Variants in KLF12 observed in about 807,000 individuals in gnomAD.
KLF12 encodes the protein KLF transcription factor 12, also known as Krueppel-like factor 12.
KLF12 carries 9 observed loss-of-function variants against 37.8 expected under a neutral mutation model. That is an observed-to-expected ratio of 0.24 (90% confidence interval 0.14 to 0.42). The LOEUF is 0.42. KLF12 is among the 10% of genes least tolerant of loss of function. The pLI is 1.00. For synonymous variants in KLF12, 208 were observed against 202.1 expected, an observed-to-expected ratio of 1.03 and a Z score of -0.25; for missense variants, 411 against 516.0, an observed-to-expected ratio of 0.80 and a Z score of 1.97.
chr13:74,149,633 G>A, the KLF12 span, among the ~76,000 whole-genome samples: 1 of 152,056 alleles, frequency 6.6e-6, no homozygotes, highest in Non-Finnish European at 1.5e-5. Context: ...CTCTTCTCAG[G>A]GTACTATCCA....
At chr13:73,849,233 C>A (rs1282091614) in intron 3 of KLF12, among the ~76,000 whole-genome samples, 1 of 151,648 alleles carries the variant, frequency 6.6e-6, no homozygotes, top group African/African-American at 2.4e-5. Flanking sequence ...AAATCAAAAG[C>A]ATTGGTTTTG....
chr13:73,711,464 C>G (rs1263385975), intron 7 of KLF12, among the ~76,000 whole-genome samples: 1 of 152,186 alleles, frequency 6.6e-6, no homozygotes, highest in Non-Finnish European at 1.5e-5. Flanking sequence ...AGCCAAGGCT[C>G]ATATACTATT....
chr13:73,919,768 T>A (rs1453081711), intron 3 of KLF12, among the ~76,000 whole-genome samples: 1 of 152,216 alleles, frequency 6.6e-6, no homozygotes, highest in Non-Finnish European at 1.5e-5. Context: ...CATAACTTCA[T>A]AAGGATTTGC....
the KLF12 span, among the ~76,000 whole-genome samples, chr13:74,190,938 A>G: frequency 6.6e-6 from 1 of 151,936 alleles, no homozygotes; most frequent in Non-Finnish European, 1.5e-5. Context: ...TTTTCCACTT[A>G]TGTTTGGATT....
chr13:73,763,248 C>T (rs1879685828), intron 6 of KLF12, among the ~76,000 whole-genome samples: 1 of 152,100 alleles, frequency 6.6e-6, no homozygotes, highest in African/African-American at 2.4e-5. Context: ...GAGCTTTACC[C>T]ACATTGTATA....
At chr13:74,111,017 G>C (rs1181915175) in intron 1 of KLF12, among the ~76,000 whole-genome samples, 1 of 152,016 alleles carries the variant, frequency 6.6e-6, no homozygotes, top group South Asian at 2.1e-4. Context: ...GCCAGGCATG[G>C]TGGTGGGCGC....
chr13:73,705,954 C>G (rs867422939), intron 7 of KLF12, among the ~76,000 whole-genome samples: 4 of 152,112 alleles, frequency 2.6e-5, no homozygotes, highest in Non-Finnish European at 4.4e-5. Context: ...GAGATCGAGA[C>G]CATCCTGTCC....
chr13:73,939,474 C>A (rs1194404528), intron 3 of KLF12, among the ~76,000 whole-genome samples: 1 of 152,030 alleles, frequency 6.6e-6, no homozygotes, highest in Non-Finnish European at 1.5e-5. Context: ...TTGAAACATT[C>A]TTCCAGATAT....
chr13:74,005,216 A>G (rs1892380866), intron 1 of KLF12, among the ~76,000 whole-genome samples: 2 of 152,302 alleles, frequency 1.3e-5, no homozygotes, highest in South Asian at 4.1e-4. Flanking sequence ...TAACCAAATA[A>G]TAAAGAGCCT....
the KLF12 span, among the ~76,000 whole-genome samples, chr13:74,175,667 T>C: frequency 6.6e-6 from 1 of 152,206 alleles, no homozygotes; most frequent in African/African-American, 2.4e-5. Context: ...ACTATGTAAT[T>C]GTAATTCCAA....
intron 2 of KLF12, among the ~76,000 whole-genome samples, chr13:73,978,432 C>A (rs1230963128): frequency 6.6e-6 from 1 of 152,088 alleles, no homozygotes; most frequent in East Asian, 1.9e-4. Context: ...TCAGAATAAC[C>A]AAAATCCAGA....
intron 6 of KLF12, among the ~76,000 whole-genome samples, chr13:73,737,400 T>C (rs867022606): frequency 6.6e-6 from 1 of 152,302 alleles, no homozygotes; most frequent in African/African-American, 2.4e-5. Context: ...GTGTCAACAA[T>C]GGGAAAGTGT....
intron 2 of KLF12, among the ~76,000 whole-genome samples, chr13:73,951,723 A>G (rs1283988405): frequency 6.6e-6 from 1 of 152,056 alleles, no homozygotes; most frequent in African/African-American, 2.4e-5. Flanking sequence ...CACTTCCCCA[A>G]CCCCATTGTC....
the KLF12 span, among the ~76,000 whole-genome samples, chr13:74,288,675 G>A: frequency 6.6e-6 from 1 of 152,152 alleles, no homozygotes; most frequent in Admixed American, 6.6e-5. Flanking sequence ...TAGACTGGTG[G>A]GTTTCAGCGG....
chr13:73,819,564 A>T (rs570391361), intron 4 of KLF12, among the ~76,000 whole-genome samples: 39 of 143,198 alleles, frequency 2.7e-4, no homozygotes, highest in Middle Eastern at 7.0e-3. Context: ...GGTAGCAAGC[A>T]GTCTTCTGGC....
At chr13:73,929,791 T>C (rs1889582525) in intron 3 of KLF12, among the ~76,000 whole-genome samples, 1 of 152,222 alleles carries the variant, frequency 6.6e-6, no homozygotes, top group Admixed American at 6.5e-5. Context: ...CTGTTCTGTG[T>C]GCAGGCAGCC....
In KLF12 at chr13:73,694,489, T is replaced by G. The variant is rs1305048700; in HGVS notation, c.*1001A>C. 6.6e-6 allele frequency: 1 copy of G among 152,658 alleles called. No individual in the cohort carries two copies. Among genetic ancestry groups the G allele is most frequent in the Non-Finnish European group, 1.5e-5 (1 of 68,036 alleles). 9.5% of individuals were successfully genotyped at this position (152,658 alleles called of 1,614,324 possible). On this transcript the variant is annotated 3_prime_UTR_variant, in exon 8 of 8. Coordinates refer to ENST00000377669, the MANE Select transcript of KLF12 (RefSeq NM_007249.5). ...AAAGTCCTTTTATTCATTATTGCTT[T>G]TCTCCTCAAGAGGCGCATTATTTCC...
At chr13:74,167,803 C>T in the KLF12 span, among the ~76,000 whole-genome samples, 4 of 152,260 alleles carry the variant, frequency 2.6e-5, 1 homozygote, top group South Asian at 2.1e-4. Context: ...ATCAAAACAG[C>T]AATGCCTCAT....
intron 3 of KLF12, among the ~76,000 whole-genome samples, chr13:73,908,893 C>T (rs1258951164): frequency 1.3e-5 from 2 of 152,118 alleles, no homozygotes; most frequent in Non-Finnish European, 2.9e-5. Flanking sequence ...ATCCCTACTC[C>T]CTAAAACAGT....
Sources: gnomAD v4.1 joint callset for allele counts (sites outside exome capture counted in the v4.1 genomes callset) on GRCh38, gnomAD v4.1.1 for gene constraint, MANE v1.5 for transcripts, NCBI Gene and HGNC (gene_info 2026-07-23, HGNC 2026-07-21) for gene names.